FOXP4: variants seen among roughly 807,000 people sequenced by gnomAD.
The protein encoded by FOXP4 is forkhead box P4.
A neutral mutation model predicts 82.6 loss-of-function variants in FOXP4; 25 were observed. The ratio of observed to expected loss-of-function variants is 0.30; its 90% confidence interval spans 0.22 to 0.42. The LOEUF is 0.42. Among genes scored for constraint, FOXP4 ranks in the 10% least tolerant of loss-of-function variants. FOXP4 has a pLI of 1.00. For missense variants in FOXP4, 785 were observed against 900.9 expected (o/e 0.87, Z 1.65); for synonymous variants, 415 against 388.2 (o/e 1.07, Z -0.81).
At position 41,589,653 on chromosome 6, in the gene FOXP4, G is replaced by C. The variant is rs562944609; in HGVS notation, c.1066-118G>C. ...GAGGGAGCATGGATGCTGAGGCAAG[G>C]AGGCGAATGGGGGTGGGAATCGGCG... On this transcript the variant is annotated intron_variant, in intron 9 of 16. Transcript: ENST00000307972. 1.5e-5 allele frequency: 15 copies of C among 997,538 alleles called. No individual in the cohort carries two copies. In the African/African-American group the frequency reaches 1.6e-4, roughly 11 times the overall value. The allele number at this position is 997,538 out of a possible 1,614,324, so 61.8% of individuals were successfully genotyped here.
chr6:41,577,763 G>A (rs556973163), intron 2 of FOXP4, among the ~76,000 whole-genome samples: 14 of 152,062 alleles, frequency 9.2e-5, no homozygotes, highest in Non-Finnish European at 1.8e-4. Flanking sequence ...ACTTCACTGG[G>A]TCCCAGGCTG....
chr6:41,588,742 G>T lies in FOXP4; in HGVS notation c.1065+11G>T. ...CAGCTGGAGATCCAGGTGTGGCCCG[G>T]AAGATGCTGGGGAGGGACATGGTGG... On this transcript the variant is annotated intron_variant, in intron 9 of 16. Transcript: ENST00000307972. 1.2e-6 allele frequency: 2 copies of T among 1,612,980 alleles called. No individual in the cohort carries two copies. Among genetic ancestry groups the T allele is most frequent in the South Asian group, 2.2e-5 (2 of 91,024 alleles).
At chr6:41,577,426 C>T (rs1188199988) in intron 2 of FOXP4, among the ~76,000 whole-genome samples, 1 of 152,168 alleles carries the variant, frequency 6.6e-6, no homozygotes, top group Non-Finnish European at 1.5e-5. Flanking sequence ...AGACTGACCA[C>T]CCAGTAAGGC....
At chr6:41,576,609 G>A (rs936274907) in intron 2 of FOXP4, among the ~76,000 whole-genome samples, 16 of 152,206 alleles carry the variant, frequency 1.1e-4, no homozygotes, top group Admixed American at 3.9e-4. Context: ...ATGTTGGGGA[G>A]AGGCTGGAGG....
chr6:41,597,321 C>A (rs1465290749), intron 15 of FOXP4, 79 bp downstream of exon 15: 1 of 1,437,474 alleles, frequency 7.0e-7, no homozygotes, highest in Non-Finnish European at 9.8e-7. Flanking sequence ...CCATCCTCCC[C>A]TGCAGAGGAC....
chr6:41,595,008 C>T lies in FOXP4; in HGVS notation c.1658+17C>T. ...GATGACAGGGTATGTGGGTCCAGAGCTGGATGGGCTGTACCTGCCCAGGGG... is the reference window on the plus strand; with the variant it reads ...GATGACAGGGTATGTGGGTCCAGAGTTGGATGGGCTGTACCTGCCCAGGGG... On this transcript the variant is annotated intron_variant, in intron 14 of 16. Transcript: ENST00000307972. 6.2e-7 allele frequency: 1 copy of T among 1,613,756 alleles called. No individual in the cohort carries two copies. The highest frequency in any genetic ancestry group is 8.5e-7 in the Non-Finnish European group (1 of 1,179,898).
In FOXP4 at chr6:41,593,692, C is replaced by T. The variant is rs2127403053; in HGVS notation, c.1537-1178C>T. ...TTTGTAATTATCGCTCCAAGAGATTCCACTCCAGCCGCCCGCCTCCCTCGT... is the reference window on the plus strand; with the variant it reads ...TTTGTAATTATCGCTCCAAGAGATTTCACTCCAGCCGCCCGCCTCCCTCGT... On this transcript the variant is annotated intron_variant, in intron 13 of 16. Transcript: ENST00000307972. This position sits in a 1 kb window ranked among gnomAD's most constrained non-coding sequence, Gnocchi z 4.1. 6.6e-6 allele frequency among the ~76,000 whole-genome samples: 1 copy of T among 152,310 alleles called. No homozygotes were observed. The highest frequency in any genetic ancestry group is 2.1e-4 in the South Asian group (1 of 4,826).
At chr6:41,567,213 A>C (rs1764933424) in intron 2 of FOXP4, among the ~76,000 whole-genome samples, 1 of 152,230 alleles carries the variant, frequency 6.6e-6, no homozygotes, top group Non-Finnish European at 1.5e-5. Context: ...CCTCCTTGGC[A>C]CCTAAAGTAC....
intron 14 of FOXP4, among the ~76,000 whole-genome samples, chr6:41,595,626 G>A (rs567902630): frequency 1.3e-5 from 2 of 151,976 alleles, no homozygotes; most frequent in African/African-American, 4.8e-5. Context: ...TTTTGAGAAG[G>A]AGTTTTGTTC....
At position 41,601,326 on chromosome 6, in the gene FOXP4, TC is replaced by T; in HGVS notation, c.*2395del. Reference sequence around the variant, plus strand: ...TAAGCCAAAGATGGCCCCTGACACCTCCCCCAGCCCCAGCACACCAGCCTGC... The same window carrying T: ...TAAGCCAAAGATGGCCCCTGACACCTCCCCAGCCCCAGCACACCAGCCTGC... On this transcript the variant is annotated 3_prime_UTR_variant, in exon 17 of 17. Coordinates refer to ENST00000307972, the MANE Select transcript of FOXP4 (RefSeq NM_001012426.2). 6.6e-6 allele frequency: 1 copy of T among 152,610 alleles called. No individual in the cohort carries two copies. The highest frequency in any genetic ancestry group is 1.5e-5 in the Non-Finnish European group (1 of 68,464). 9.5% of individuals were successfully genotyped at this position (152,610 alleles called of 1,614,324 possible).
intron 3 of FOXP4, among the ~76,000 whole-genome samples, chr6:41,582,290 A>G (rs1366320988): frequency 6.6e-6 from 1 of 152,218 alleles, no homozygotes; most frequent in African/African-American, 2.4e-5. Context: ...TGATGGCACC[A>G]TCCTCACAGG....
At chr6:41,566,069 C>T (rs993197984) in intron 2 of FOXP4, 105 bp downstream of exon 2, 83 of 1,255,600 alleles carry the variant, frequency 6.6e-5, no homozygotes, top group Non-Finnish European at 8.9e-5. Context: ...CAGGCAGCCT[C>T]ACTTTACCAT....
Position 41,587,307 on chromosome 6 carries a change from TG to T in FOXP4, c.668del (p.Cys223SerfsTer144). The T allele has an allele frequency of 6.2e-7, 1 of 1,612,974 alleles. No homozygotes were observed. Among genetic ancestry groups the T allele is most frequent in the Non-Finnish European group, 8.5e-7 (1 of 1,179,820 alleles). ...CCCTGTCTCTCCCACAGCAGCTGTT[TG>T]CCCAACAGACCTGCCCCAGCTGTGG... ...PLQTLPQAAV[C>X]PTDLPQLWKG... On this transcript the variant is annotated frameshift_variant, in exon 7 of 17. Coordinates refer to ENST00000307972, the MANE Select transcript of FOXP4 (RefSeq NM_001012426.2). LOFTEE classifies it high-confidence loss of function.
intron 1 of FOXP4, among the ~76,000 whole-genome samples, chr6:41,560,418 GAT>G (rs1368220930): frequency 1.3e-5 from 2 of 152,240 alleles, no homozygotes; most frequent in African/African-American, 4.8e-5. Context: ...AACTGGAAAC[GAT>G]ATCTTATTTA....
At position 41,589,991 on chromosome 6, in the gene FOXP4, T is replaced by A; in HGVS notation, c.1178T>A (p.Phe393Tyr). 1 of 1,613,774 alleles carries A rather than the reference T, an allele frequency of 6.2e-7. No individual in the cohort carries two copies. The highest frequency in any genetic ancestry group is 8.5e-7 in the Non-Finnish European group (1 of 1,179,948). Residue 393 changes from phenylalanine (F) to tyrosine (Y), a missense_variant, in exon 11 of 17, where the codon TTC becomes TAC. Physicochemically the swap from Phe to Tyr is conservative, Grantham distance 22 (BLOSUM62 3). Around this residue, in one of 3 missense-constraint regions of FOXP4, gnomAD observed 570 missense variants for 634.0 expected, o/e 0.90. Transcript: ENST00000307972. ...AACCCGGTCCCCGGCTCCTCCTCAT[T>A]CTCCAAGGTGACCGTCTCTGCAGCA... ...PLNPVPGSSSFSKVTVSAADS... is the reference protein window; with the variant it reads ...PLNPVPGSSSYSKVTVSAADS...
intron 7 of FOXP4, 31 bp downstream of exon 7, chr6:41,587,543 A>G (rs1007168980): frequency 2.0e-6 from 3 of 1,502,760 alleles, no homozygotes. Flanking sequence ...AGGGGCATCA[A>G]AGGCCTGCCT....
intron 1 of FOXP4, among the ~76,000 whole-genome samples, chr6:41,563,490 G>T (rs1764704437): frequency 6.6e-6 from 1 of 152,172 alleles, no homozygotes; most frequent in African/African-American, 2.4e-5. Context: ...AGACCGTGTG[G>T]TTATAGGGTG....
At chr6:41,590,460 G>T in intron 12 of FOXP4, 113 bp downstream of exon 12, 1 of 1,141,540 alleles carries the variant, frequency 8.8e-7, no homozygotes, top group Non-Finnish European at 1.3e-6. Context: ...GAGCTGTCCC[G>T]CTCCCTCTCA....
In FOXP4 at chr6:41,599,548, G is replaced by C. The variant is rs1581800683; in HGVS notation, c.*612G>C. Reference sequence around the variant, plus strand: ...CTGTGTGCCCTGTGGGGGTCCGTGTGAGCAGGCCCACCTGGCTCCAGACCC... The same window carrying C: ...CTGTGTGCCCTGTGGGGGTCCGTGTCAGCAGGCCCACCTGGCTCCAGACCC... On this transcript the variant is annotated 3_prime_UTR_variant, in exon 17 of 17. Coordinates refer to ENST00000307972, the MANE Select transcript of FOXP4 (RefSeq NM_001012426.2). 1 of 152,640 alleles carries C rather than the reference G, an allele frequency of 6.6e-6. No individual in the cohort carries two copies. Among genetic ancestry groups the C allele is most frequent in the South Asian group, 2.1e-4 (1 of 4,830 alleles). The allele number at this position is 152,640 out of a possible 1,614,324, so 9.5% of individuals were successfully genotyped here. A position where few individuals can be genotyped will look rare whatever the true frequency, so the allele number is the denominator to read the frequency against.
Sources: gnomAD v4.1 joint callset for allele counts (sites outside exome capture counted in the v4.1 genomes callset) on GRCh38, gnomAD v4.1.1 for gene constraint, gnomAD v4.1.1 regional missense constraint, Gnocchi (gnomAD v3.1) non-coding constraint, MANE v1.5 for transcripts, NCBI Gene and HGNC (gene_info 2026-07-23, HGNC 2026-07-21) for gene names.